The following WDR27 variants were observed in gnomAD, a reference collection of about 807,000 sequenced individuals.
WDR27 encodes the protein WD repeat domain 27.
A neutral mutation model predicts 114.4 loss-of-function variants in WDR27; 100 were observed. The observed-to-expected ratio is 0.87, with a 90% CI of 0.74 to 1.03. WDR27 has a LOEUF of 1.03. Ranked by LOEUF, WDR27 falls within the 50% of genes least tolerant of loss-of-function variation. The pLI, the probability that WDR27 is intolerant of heterozygous loss-of-function variation, is 0.00. For synonymous variants in WDR27, 449 were observed against 423.1 expected (o/e 1.06, Z -0.75); for missense variants, 1,129 against 1,092.9 (o/e 1.03, Z -0.47).
At chr6:169,500,100 T>C (rs974868845) in intron 25 of WDR27, among the ~76,000 whole-genome samples, 2 of 152,252 alleles carry the variant, frequency 1.3e-5, no homozygotes, top group South Asian at 2.1e-4. Context: ...CGTGGAGCGC[T>C]ACTCAGTATA....
chr6:169,638,583 G>C lies in WDR27; in HGVS notation c.1825C>G (p.Leu609Val). Residue 609 changes from leucine (L) to valine (V), a missense_variant, in exon 18 of 26, where the codon CTG (leucine) becomes GTG (valine). Leu to Val is a conservative substitution (Grantham distance 32). Coordinates refer to ENST00000448612, the MANE Select transcript of WDR27 (RefSeq NM_182552.5). ...WLLSAARDGT[L>V]RMWSARGAEL... ...GCCCCACGAGCCGACCACATTCGCA[G>C]GGTCCCGTCCCGGGCCGCAGAGAGC... The C allele has an allele frequency of 6.2e-7, 1 of 1,610,694 alleles. No individual in the cohort carries two copies.
At chr6:169,605,387 G>A (rs905941589) in intron 22 of WDR27, among the ~76,000 whole-genome samples, 1 of 151,318 alleles carries the variant, frequency 6.6e-6, no homozygotes, top group African/African-American at 2.4e-5. Flanking sequence ...GAAATACCTA[G>A]GAATATAATT....
In WDR27 at chr6:169,484,622, A is replaced by G. The variant is rs62422451; in HGVS notation, c.2646-26988T>C. Among the ~76,000 whole-genome samples the G allele has an allele frequency of 9.7e-3, 1,470 of 152,210 alleles. 14 individuals carry two copies. The highest frequency in any genetic ancestry group is 0.016 in the Non-Finnish European group (1,074 of 68,038). ...TAAAGCAATTTACAAATTCAATGCT[A>G]TTCCTAACAAACTATCAATGACATT... On this transcript the variant is annotated intron_variant, in intron 25 of 25. Transcript: ENST00000448612.
chr6:169,676,112 C>A (rs962793511), intron 2 of WDR27, among the ~76,000 whole-genome samples: 1 of 152,142 alleles, frequency 6.6e-6, no homozygotes, highest in African/African-American at 2.4e-5. Flanking sequence ...TCCCTAGGCC[C>A]CTTAGGTAGG....
chr6:169,571,082 G>A (rs181919798), intron 25 of WDR27, among the ~76,000 whole-genome samples: 5 of 152,170 alleles, frequency 3.3e-5, no homozygotes, highest in Admixed American at 3.3e-4. Context: ...AGCGGATACA[G>A]TGATCACAAA....
intron 22 of WDR27, among the ~76,000 whole-genome samples, chr6:169,612,759 T>A (rs1406792909): frequency 6.6e-6 from 1 of 151,208 alleles, no homozygotes; most frequent in Admixed American, 6.6e-5. Flanking sequence ...TGATAAAAAG[T>A]AGTAAAGGAA....
chr6:169,461,818 CA>C (rs1271954658), intron 25 of WDR27, among the ~76,000 whole-genome samples: 2 of 151,284 alleles, frequency 1.3e-5, no homozygotes, highest in Non-Finnish European at 1.5e-5. Flanking sequence ...AACAAGGAAA[CA>C]AAAAAATGAT....
At chr6:169,560,673 C>A (rs1286602284) in intron 25 of WDR27, among the ~76,000 whole-genome samples, 1 of 152,194 alleles carries the variant, frequency 6.6e-6, no homozygotes, top group African/African-American at 2.4e-5. Flanking sequence ...AGCTACATAT[C>A]CAGTACATAC....
At chr6:169,546,129 A>C (rs1163966999) in intron 25 of WDR27, among the ~76,000 whole-genome samples, 2 of 152,174 alleles carry the variant, frequency 1.3e-5, no homozygotes, top group Non-Finnish European at 2.9e-5. Context: ...ACAACATCAA[A>C]TGCTGGCAAG....
rs1806348396 is a variant in WDR27 at position 169,594,276 on chromosome 6, T to C, written c.2424+7943A>G. On this transcript the variant is annotated intron_variant, in intron 23 of 25. Transcript: ENST00000448612. ...TTAAATTTGTACTTTGATTGCATTA[T>C]AGTGAGAAAATGTTGATTTTTTGTT... Among the ~76,000 whole-genome samples, 6 of 152,240 alleles carry C rather than the reference T, an allele frequency of 3.9e-5. 1 individual carries two copies. In the South Asian group the frequency reaches 1.2e-3, roughly 31 times the overall value.
At chr6:169,635,400 A>G (rs2128220334) in intron 19 of WDR27, among the ~76,000 whole-genome samples, 1 of 152,266 alleles carries the variant, frequency 6.6e-6, no homozygotes, top group South Asian at 2.1e-4. Flanking sequence ...AAACTTTAGG[A>G]CTGAAAGTCC....
intron 2 of WDR27, among the ~76,000 whole-genome samples, chr6:169,678,542 C>T (rs1780666461): frequency 6.6e-6 from 1 of 152,144 alleles, no homozygotes; most frequent in African/African-American, 2.4e-5. Flanking sequence ...AAACTTTGGA[C>T]TTAGGACTTG....
chr6:169,692,372 G>C (rs1001128282), intron 1 of WDR27, among the ~76,000 whole-genome samples: 1 of 152,110 alleles, frequency 6.6e-6, no homozygotes, highest in Non-Finnish European at 1.5e-5. Context: ...TCCTTGAGCA[G>C]AATCAGGAGT....
chr6:169,661,659 C>T (rs1232750720), intron 9 of WDR27, among the ~76,000 whole-genome samples: 1 of 152,108 alleles, frequency 6.6e-6, no homozygotes, highest in African/African-American at 2.4e-5. Context: ...GTCCATGCAC[C>T]CACCGGGAGC....
chr6:169,698,076 G>C (rs1270214913), intron 1 of WDR27, among the ~76,000 whole-genome samples: 2 of 152,156 alleles, frequency 1.3e-5, no homozygotes, highest in African/African-American at 4.8e-5. Context: ...ACAATGGTGT[G>C]AAGCCAAGGA....
At chr6:169,589,496 A>G (rs999818619) in intron 23 of WDR27, among the ~76,000 whole-genome samples, 7 of 152,202 alleles carry the variant, frequency 4.6e-5, no homozygotes, top group African/African-American at 1.7e-4. Context: ...ACTGAATGAC[A>G]TAATACAGTG....
Position 169,701,986 on chromosome 6 carries a change from C to T in WDR27, c.-443G>A. ...GAGCCACACTCCGCCCCACGCTCGC[C>T]GCTATGGTTACTTGCCAGCCGACCC... On this transcript the variant is annotated 5_prime_UTR_variant, in exon 1 of 26. Coordinates refer to ENST00000448612, the MANE Select transcript of WDR27 (RefSeq NM_182552.5). 3 of 410,012 alleles carry T rather than the reference C, an allele frequency of 7.3e-6. No individual in the cohort carries two copies. Among genetic ancestry groups the T allele is most frequent in the South Asian group, 5.3e-5 (3 of 56,182 alleles). The allele number at this position is 410,012 out of a possible 1,614,324, so 25.4% of individuals were successfully genotyped here. A position where few individuals can be genotyped will look rare whatever the true frequency, so the allele number is the denominator to read the frequency against.
In WDR27 at chr6:169,603,186, G is replaced by C. The variant is rs1330042627; in HGVS notation, c.2322-865C>G. ...TTTTTTTGAGACAGAGTCTCGCTCT[G>C]TCACCCAGGCTAGAGTGCACTGTTG... On this transcript the variant is annotated intron_variant, in intron 22 of 25. Coordinates refer to ENST00000448612, the MANE Select transcript of WDR27 (RefSeq NM_182552.5). 2.1e-5 allele frequency among the ~76,000 whole-genome samples: 3 copies of C among 145,702 alleles called. 1 individual carries two copies. The highest frequency in any genetic ancestry group is 1.4e-4 in the Admixed American group (2 of 14,278).
intron 25 of WDR27, among the ~76,000 whole-genome samples, chr6:169,474,443 T>C (rs1216444617): frequency 1.3e-5 from 2 of 152,180 alleles, no homozygotes; most frequent in African/African-American, 2.4e-5. Context: ...AGAAACATGG[T>C]AAAAGAAAAA....
Sources: gnomAD v4.1 joint callset for allele counts (sites outside exome capture counted in the v4.1 genomes callset) on GRCh38, gnomAD v4.1.1 for gene constraint, MANE v1.5 for transcripts, NCBI Gene and HGNC (gene_info 2026-07-23, HGNC 2026-07-21) for gene names.